Variants in LOXHD1 observed in about 807,000 individuals in gnomAD.
LOXHD1 encodes lipoxygenase homology PLAT domains 1, also known as lipoxygenase homology domain-containing protein 1.
LOXHD1 carries 205 observed loss-of-function variants against 248.2 expected under a neutral mutation model. The ratio of observed to expected loss-of-function variants is 0.83; its 90% CI spans 0.74 to 0.93. The LOEUF (loss-of-function observed/expected upper bound fraction) is 0.93. LOXHD1 is among the 40% of genes least tolerant of loss of function. LOXHD1 has a pLI of 0.00. For synonymous variants in LOXHD1, 1,113 were observed against 1,162.8 expected (o/e 0.96, Z 0.87); for missense variants, 2,930 against 2,971.6 (o/e 0.99, Z 0.33).
At chr18:46,651,737 C>T (rs1191561605) in intron 1 of LOXHD1, among the ~76,000 whole-genome samples, 8 of 151,308 alleles carry the variant, frequency 5.3e-5, no homozygotes, top group African/African-American at 1.9e-4. Flanking sequence ...ATTTGGAATG[C>T]GTATATCCAA....
chr18:46,571,242 T>C (rs1206854443), intron 15 of LOXHD1, among the ~76,000 whole-genome samples: 4 of 152,000 alleles, frequency 2.6e-5, no homozygotes, highest in Non-Finnish European at 1.5e-5. Context: ...CCAAGGTGGG[T>C]GGATCATTTG....
intron 10 of LOXHD1, among the ~76,000 whole-genome samples, chr18:46,592,971 A>G (rs2038199392): frequency 1.3e-5 from 2 of 152,214 alleles, no homozygotes; most frequent in South Asian, 4.1e-4. Context: ...AGACAAAAAG[A>G]TCAACAAGCA....
In LOXHD1 at chr18:46,518,889, C is replaced by T. The variant is rs528712023; in HGVS notation, c.5272-633G>A. 1.6e-5 allele frequency: 16 copies of T among 985,716 alleles called. 1 individual carries two copies. The South Asian group carries it at 7.5e-4, about 46-fold the overall frequency. 61.1% of individuals were successfully genotyped at this position (985,716 alleles called of 1,614,324 possible). The stretch of plus-strand genomic sequence containing the variant: ...GGGAGTGATTCTTACAGAGGGAGCA[C>T]TGCCTCAATCCACTGGAGAAGTGAG... On this transcript the variant is annotated intron_variant, in intron 33 of 40. Transcript: ENST00000642948.
At chr18:46,632,182 A>C (rs1217247463) in intron 4 of LOXHD1, among the ~76,000 whole-genome samples, 2 of 152,198 alleles carry the variant, frequency 1.3e-5, no homozygotes, top group African/African-American at 4.8e-5. Flanking sequence ...TATGCACACA[A>C]AGACACAAGG....
intron 40 of LOXHD1, among the ~76,000 whole-genome samples, chr18:46,478,380 C>T (rs886315184): frequency 6.6e-6 from 1 of 152,090 alleles, no homozygotes; most frequent in Non-Finnish European, 1.5e-5. Flanking sequence ...CCAGAACCAG[C>T]CCACTTGAAA....
At chr18:46,560,048 T>TCCTTGCCCCC in intron 19 of LOXHD1, 35 bp downstream of exon 19, 1 of 1,226,298 alleles carries the variant, frequency 8.2e-7, no homozygotes. Flanking sequence ...GTCTGGCCAC[T>TCCTTGCCCCC]CCCTCCCCAC....
chr18:46,488,135 C>T (rs942328641), intron 38 of LOXHD1, among the ~76,000 whole-genome samples: 1 of 152,146 alleles, frequency 6.6e-6, no homozygotes, highest in Non-Finnish European at 1.5e-5. Flanking sequence ...GCTGACTGGG[C>T]AGCCTTAAAA....
intron 8 of LOXHD1, among the ~76,000 whole-genome samples, chr18:46,595,935 AC>A: frequency 6.6e-6 from 1 of 152,198 alleles, no homozygotes; most frequent in Non-Finnish European, 1.5e-5. Context: ...GTGTTTTCTC[AC>A]CCCATGGGTT....
intron 15 of LOXHD1, among the ~76,000 whole-genome samples, chr18:46,569,859 T>A (rs1162569355): frequency 6.6e-6 from 1 of 152,174 alleles, no homozygotes; most frequent in Non-Finnish European, 1.5e-5. Context: ...AGAATTCTAG[T>A]AGGTTCTCTG....
In LOXHD1 at chr18:46,601,533, C is replaced by T. The variant is rs2038339829; in HGVS notation, c.884-66G>A. On this transcript the variant is annotated intron_variant, in intron 7 of 40. Transcript: ENST00000642948. ...CTGCATCATAATATCCCACCCCCTCCTCCCCTTCCTGGTTACAACACCCCC... is the reference window on the plus strand; with the variant it reads ...CTGCATCATAATATCCCACCCCCTCTTCCCCTTCCTGGTTACAACACCCCC... The T allele has an allele frequency of 5.2e-6, 8 of 1,549,208 alleles. No homozygotes were observed. In the East Asian group the frequency reaches 1.7e-4, roughly 33 times the overall value.
intron 38 of LOXHD1, among the ~76,000 whole-genome samples, chr18:46,486,151 G>C (rs2033032966): frequency 2.0e-5 from 3 of 152,080 alleles, no homozygotes; most frequent in Admixed American, 6.5e-5. Flanking sequence ...CCAGGGACCA[G>C]ACCAGGGATG....
At chr18:46,499,270 T>C (rs141923959) in intron 37 of LOXHD1, among the ~76,000 whole-genome samples, 36 of 152,284 alleles carry the variant, frequency 2.4e-4, no homozygotes, top group African/African-American at 6.3e-4. Context: ...GGGAGCTTCA[T>C]GGAGAAGGTG....
chr18:46,540,859 T>C (rs1005928734), intron 25 of LOXHD1, among the ~76,000 whole-genome samples: 1 of 152,162 alleles, frequency 6.6e-6, no homozygotes, highest in Non-Finnish European at 1.5e-5. Flanking sequence ...GCCAGAGAAA[T>C]GTCACTTCAT....
At chr18:46,555,131 G>A (rs760484575) in intron 21 of LOXHD1, 7 of 471,142 alleles carry the variant, frequency 1.5e-5, no homozygotes, top group Non-Finnish European at 3.1e-5. Flanking sequence ...TAACCCTGAT[G>A]GAGCTGCAAG....
chr18:46,653,865 A>C, intron 1 of LOXHD1, among the ~76,000 whole-genome samples: 1 of 152,208 alleles, frequency 6.6e-6, no homozygotes, highest in East Asian at 1.9e-4. Flanking sequence ...TCAACTCTTA[A>C]ACTCATTGAC....
chr18:46,564,401 A>T (rs1038184153), intron 17 of LOXHD1, among the ~76,000 whole-genome samples: 29 of 152,138 alleles, frequency 1.9e-4, no homozygotes, highest in African/African-American at 6.8e-4. Flanking sequence ...GTGTGGTGGC[A>T]CGTGCCTGTA....
intron 37 of LOXHD1, among the ~76,000 whole-genome samples, chr18:46,497,364 C>T (rs563790048): frequency 1.3e-5 from 2 of 152,088 alleles, no homozygotes; most frequent in Non-Finnish European, 2.9e-5. Flanking sequence ...AGATTTTGAC[C>T]GTGAGGAGAT....
chr18:46,656,156 C>T (rs2039178722), intron 1 of LOXHD1, among the ~76,000 whole-genome samples: 1 of 152,106 alleles, frequency 6.6e-6, no homozygotes, highest in South Asian at 2.1e-4. Context: ...GTAAACCAGA[C>T]CTAGTATGAG....
chr18:46,497,521 T>C (rs528405689), intron 37 of LOXHD1, among the ~76,000 whole-genome samples: 3 of 152,264 alleles, frequency 2.0e-5, no homozygotes, highest in African/African-American at 7.2e-5. Flanking sequence ...CTGAGTTTCA[T>C]GGCCAGGACT....
Sources: gnomAD v4.1 joint callset for allele counts (sites outside exome capture counted in the v4.1 genomes callset) on GRCh38, gnomAD v4.1.1 for gene constraint, MANE v1.5 for transcripts, NCBI Gene and HGNC (gene_info 2026-07-23, HGNC 2026-07-21) for gene names.